The following BBX variants were observed in gnomAD, a reference collection of about 807,000 sequenced individuals.
BBX encodes HMG box transcription factor BBX.
Under a neutral mutation model 100.2 loss-of-function variants are expected in BBX, and 30 were observed. The ratio of observed to expected loss-of-function variants is 0.30; its 90% confidence interval spans 0.22 to 0.41. The LOEUF is 0.41. Ranked by LOEUF, BBX falls within the 10% of genes least tolerant of loss-of-function variation. BBX has a pLI of 1.00. For synonymous variants in BBX, 376 were observed against 388.1 expected (o/e 0.97, Z 0.37); for missense variants, 1,023 against 1,129.8 (o/e 0.91, Z 1.35).
chr3:107,773,475 C>T lies in BBX; in HGVS notation c.1754C>T (p.Pro585Leu), dbSNP rs760347260. ...EPLTPMEDAL[P>L]PSLSGQAKPE... ...TTGACCCCTATGGAAGATGCACTACCACCCAGCCTATCAGGACAGGCCAAG... is the reference window on the plus strand; with the variant it reads ...TTGACCCCTATGGAAGATGCACTACTACCCAGCCTATCAGGACAGGCCAAG... Residue 585 changes from proline to leucine, a missense_variant, in exon 11 of 18, where the codon CCA becomes CTA. Physicochemically the swap from Pro to Leu is moderately conservative, Grantham distance 98. Transcript: ENST00000325805. This position sits in a 1 kb window ranked among gnomAD's most constrained non-coding sequence, Gnocchi z 4.1. 1 of 1,614,114 alleles carries T rather than the reference C, an allele frequency of 6.2e-7. No homozygotes were observed. Among genetic ancestry groups the T allele is most frequent in the Non-Finnish European group, 8.5e-7 (1 of 1,179,976 alleles).
intron 4 of BBX, among the ~76,000 whole-genome samples, chr3:107,712,855 C>T (rs1476264056): frequency 6.6e-6 from 1 of 152,186 alleles, no homozygotes; most frequent in Non-Finnish European, 1.5e-5. Flanking sequence ...TGGCTCATAG[C>T]AGGAACCCAG....
At position 107,811,109 on chromosome 3, in the gene BBX, G is replaced by T. The variant is rs2071267048; in HGVS notation, c.*5652G>T. The T allele has an allele frequency of 6.6e-6, 1 of 152,076 alleles. No individual in the cohort carries two copies. Among genetic ancestry groups the T allele is most frequent in the South Asian group, 2.1e-4 (1 of 4,828 alleles). The allele number at this position is 152,076 out of a possible 1,614,324, so 9.4% of individuals were successfully genotyped here. A position where few individuals can be genotyped will look rare whatever the true frequency, so the allele number is the denominator to read the frequency against. ...ACCTAATTTGATATTTCTAAAAATT[G>T]CACATGTAAGTCATGTGTATAACAT... On this transcript the variant is annotated 3_prime_UTR_variant, in exon 18 of 18. Coordinates refer to ENST00000325805, the MANE Select transcript of BBX (RefSeq NM_001142568.3).
intron 3 of BBX, among the ~76,000 whole-genome samples, chr3:107,703,896 G>A (rs765438629): frequency 2.0e-5 from 3 of 152,208 alleles, no homozygotes; most frequent in African/African-American, 7.2e-5. Flanking sequence ...ACCATGAAAA[G>A]TGGTGTTCCC....
intron 3 of BBX, chr3:107,662,476 A>G (rs1280378738): frequency 1.3e-5 from 2 of 152,182 alleles, no homozygotes; most frequent in African/African-American, 2.4e-5. Context: ...CATAATTGGT[A>G]TCCGCTGCCA....
At chr3:107,561,894 A>G (rs553959817) in intron 2 of BBX, among the ~76,000 whole-genome samples, 4 of 152,312 alleles carry the variant, frequency 2.6e-5, no homozygotes, top group African/African-American at 7.2e-5. Context: ...TTTCAGTTTA[A>G]TTCTTTGTGC....
chr3:107,585,072 C>A (rs551084644), intron 2 of BBX, among the ~76,000 whole-genome samples: 30 of 151,968 alleles, frequency 2.0e-4, no homozygotes, highest in African/African-American at 7.0e-4. Flanking sequence ...GTGGCATGAA[C>A]CATACTGGGG....
intron 3 of BBX, among the ~76,000 whole-genome samples, chr3:107,683,909 T>G (rs1048447097): frequency 1.3e-5 from 2 of 152,206 alleles, no homozygotes; most frequent in Admixed American, 6.6e-5. Flanking sequence ...CTTTATTTTT[T>G]CTTACCCAGA....
intron 3 of BBX, among the ~76,000 whole-genome samples, chr3:107,647,778 A>G (rs1254108774): frequency 6.6e-6 from 1 of 152,082 alleles, no homozygotes; most frequent in Non-Finnish European, 1.5e-5. Flanking sequence ...TTTATTTCTC[A>G]TTTATGTTCA....
At chr3:107,764,977 T>A (rs1249310659) in intron 10 of BBX, among the ~76,000 whole-genome samples, 1 of 152,164 alleles carries the variant, frequency 6.6e-6, no homozygotes, top group Non-Finnish European at 1.5e-5. Flanking sequence ...GAACTGAGCT[T>A]TCCTACATGT....
rs529719994 is a variant in BBX, at chr3:107,777,839, C to A, written c.2055-532C>A. 2.2e-4 allele frequency among the ~76,000 whole-genome samples: 34 copies of A among 152,206 alleles called. No individual in the cohort carries two copies. In the South Asian group the frequency reaches 6.6e-3, roughly 30 times the overall value. On this transcript the variant is annotated intron_variant, in intron 12 of 17. Coordinates refer to ENST00000325805, the MANE Select transcript of BBX (RefSeq NM_001142568.3). ...GCTTTTTGTTTGTGTATGTTTTAAT[C>A]AAACAGTAGTCAGTACATTTTTTTA...
intron 10 of BBX, among the ~76,000 whole-genome samples, chr3:107,765,036 T>A (rs1229765525): frequency 6.6e-6 from 1 of 152,212 alleles, no homozygotes; most frequent in African/African-American, 2.4e-5. Context: ...TCTTCCTGAA[T>A]CTCATTTTGT....
At chr3:107,558,727 T>A (rs1425616853) in intron 2 of BBX, among the ~76,000 whole-genome samples, 1 of 152,106 alleles carries the variant, frequency 6.6e-6, no homozygotes, top group Non-Finnish European at 1.5e-5. Flanking sequence ...TACAGGAAGT[T>A]ATTTAACTAG....
At position 107,778,372 on chromosome 3, in the gene BBX, T is replaced by C; in HGVS notation, c.2056T>C (p.Ser686Pro). The C allele has an allele frequency of 6.2e-7, 1 of 1,613,132 alleles. No individual in the cohort carries two copies. Among genetic ancestry groups the C allele is most frequent in the Non-Finnish European group, 8.5e-7 (1 of 1,179,390 alleles). The part of the protein sequence containing the change: ...TKPKEDCLLG[S>P]AKLDEEFEKK... ...GATTCCCCTCTCCCCTTTTAATAGC[T>C]CCGCAAAGCTGGATGAAGAATTTGA... Residue 686 changes from serine (S) to proline (P), a missense_variant and splice_region_variant, in exon 13 of 18, where the codon TCC becomes CCC. By Grantham distance (74) the Ser-to-Pro change is moderately conservative (BLOSUM62 -1). Coordinates refer to ENST00000325805, the MANE Select transcript of BBX (RefSeq NM_001142568.3).
intron 3 of BBX, among the ~76,000 whole-genome samples, chr3:107,697,143 A>C (rs1039454192): frequency 1.3e-5 from 2 of 151,696 alleles, no homozygotes; most frequent in Admixed American, 1.3e-4. Context: ...TTTGGTGTGA[A>C]TGTCCTCCCG....
intron 3 of BBX, among the ~76,000 whole-genome samples, chr3:107,693,643 G>C (rs1366097309): frequency 2.0e-5 from 3 of 151,786 alleles, no homozygotes; most frequent in Non-Finnish European, 4.4e-5. Context: ...GATGCCTCCG[G>C]CTTTGTTCTT....
intron 17 of BBX, among the ~76,000 whole-genome samples, chr3:107,802,504 G>A (rs1272854600): frequency 6.6e-6 from 1 of 152,254 alleles, no homozygotes; most frequent in Non-Finnish European, 1.5e-5. Context: ...GTCAAGGATA[G>A]AGGACAAGCA....
chr3:107,806,179 G>T lies in BBX; in HGVS notation c.*722G>T, dbSNP rs2071060001. The T allele has an allele frequency of 6.6e-6, 1 of 151,326 alleles. No homozygotes were observed. The highest frequency in any genetic ancestry group is 2.4e-5 in the African/African-American group (1 of 41,214). 9.4% of individuals were successfully genotyped at this position (151,326 alleles called of 1,614,324 possible). On this transcript the variant is annotated 3_prime_UTR_variant, in exon 18 of 18. Transcript: ENST00000325805. ...TCTTACAATCTGAATTTTTTTCTTAGCCTTGAGTGACCAAGAAGAATTTGC... is the reference window on the plus strand; with the variant it reads ...TCTTACAATCTGAATTTTTTTCTTATCCTTGAGTGACCAAGAAGAATTTGC...
intron 2 of BBX, among the ~76,000 whole-genome samples, chr3:107,577,783 A>G (rs1013087582): frequency 6.6e-6 from 1 of 152,174 alleles, no homozygotes; most frequent in Non-Finnish European, 1.5e-5. Context: ...AACAAAGGGT[A>G]GATAAGTAGA....
chr3:107,669,137 G>A (rs1480995069), intron 3 of BBX, among the ~76,000 whole-genome samples: 1 of 152,012 alleles, frequency 6.6e-6, no homozygotes, highest in Non-Finnish European at 1.5e-5. Context: ...ATATTTCTGA[G>A]GTAGAGGTAC....
Sources: allele counts gnomAD v4.1 joint callset (sites outside exome capture counted in the v4.1 genomes callset), GRCh38; gene constraint gnomAD v4.1.1; non-coding constraint Gnocchi (gnomAD v3.1); transcripts MANE v1.5; gene names NCBI Gene and HGNC (gene_info 2026-07-23, HGNC 2026-07-21).